Variants in DCUN1D4 observed in about 807,000 individuals in gnomAD.
The protein encoded by DCUN1D4 is defective in cullin neddylation 1 domain containing 4.
In DCUN1D4, 22 loss-of-function variants were observed where a neutral mutation model predicts 47.9. The ratio of observed to expected loss-of-function variants is 0.46; its 90% CI spans 0.33 to 0.66. The LOEUF (loss-of-function observed/expected upper bound fraction) is 0.66, where lower values mean the gene tolerates loss of function less well. Among genes scored for constraint, DCUN1D4 ranks in the 30% least tolerant of loss-of-function variants. The pLI, the probability that DCUN1D4 is intolerant of heterozygous loss-of-function variation, is 0.02. For missense variants in DCUN1D4, 301 were observed against 340.8 expected, an observed-to-expected ratio of 0.88 and a Z score of 0.92; for synonymous variants, 121 against 112.2, an observed-to-expected ratio of 1.08 and a Z score of -0.50.
chr4:51,908,387 C>T (rs1733215096), intron 8 of DCUN1D4, among the ~76,000 whole-genome samples: 1 of 152,032 alleles, frequency 6.6e-6, no homozygotes, highest in Non-Finnish European at 1.5e-5. Context: ...CTTGATGGGC[C>T]TTCTGGGGAT....
In DCUN1D4 at chr4:51,891,847, C is replaced by T; in HGVS notation, c.502C>T (p.Leu168Phe). 1 of 1,609,130 alleles carries T rather than the reference C, an allele frequency of 6.2e-7. No homozygotes were observed. The change falls in exon 7 of 11, where the codon CTC (leucine) becomes TTC (phenylalanine). Residue 168 changes from leucine (L) to phenylalanine (F), a missense_variant. By Grantham distance (22) the Leu-to-Phe change is conservative. This residue lies in a region of DCUN1D4 where 170 missense variants were observed against 234.5 expected (regional missense o/e 0.73). Coordinates refer to ENST00000334635, the MANE Select transcript of DCUN1D4 (RefSeq NM_001040402.3). ...GGAGTGGTTAAAAGGAATGACTTCT[C>T]TCCAGTAAGTCCTAGGCTGCACTAG... ...LQEWLKGMTS[L>F]QCDTTEKLRN...
At chr4:51,867,958 C>T (rs1686323771) in intron 3 of DCUN1D4, among the ~76,000 whole-genome samples, 1 of 152,252 alleles carries the variant, frequency 6.6e-6, no homozygotes, top group Admixed American at 6.5e-5. Context: ...CAGCCCCCCT[C>T]GGCTTCCCCC....
intron 8 of DCUN1D4, 30 bp downstream of exon 8, chr4:51,899,408 T>C (rs747384706): frequency 6.4e-7 from 1 of 1,569,590 alleles, no homozygotes; most frequent in Admixed American, 1.9e-5. Flanking sequence ...TCCAGATGTT[T>C]CCCTCTCTTC....
intron 6 of DCUN1D4, among the ~76,000 whole-genome samples, chr4:51,890,842 G>GT (rs1311609966): frequency 6.6e-6 from 1 of 152,236 alleles, no homozygotes; most frequent in Admixed American, 6.5e-5. Context: ...CTCACCATCA[G>GT]TTCCCTGTGC....
At chr4:51,869,938 T>C (rs1726613060) in intron 3 of DCUN1D4, among the ~76,000 whole-genome samples, 1 of 151,990 alleles carries the variant, frequency 6.6e-6, no homozygotes, top group Non-Finnish European at 1.5e-5. Context: ...TGAACTTAAA[T>C]AATAATCTTT....
intron 1 of DCUN1D4, among the ~76,000 whole-genome samples, chr4:51,860,140 T>A (rs1458206082): frequency 6.6e-6 from 1 of 152,160 alleles, no homozygotes; most frequent in Non-Finnish European, 1.5e-5. Context: ...AATTTGTGTC[T>A]TAACTTCTCC....
At chr4:51,911,513 C>T (rs570699305) in intron 9 of DCUN1D4, among the ~76,000 whole-genome samples, 10 of 152,266 alleles carry the variant, frequency 6.6e-5, no homozygotes, top group African/African-American at 1.9e-4. Context: ...TTTCTTTTGA[C>T]TTTAGATGAA....
chr4:51,878,838 T>C (rs1728096676), intron 5 of DCUN1D4, among the ~76,000 whole-genome samples: 1 of 152,252 alleles, frequency 6.6e-6, no homozygotes, highest in African/African-American at 2.4e-5. Flanking sequence ...TTTGGTTCCC[T>C]TTTATTGGTA....
chr4:51,887,272 T>C (rs991593795), intron 6 of DCUN1D4: 4 of 338,898 alleles, frequency 1.2e-5, no homozygotes, highest in African/African-American at 8.9e-5. Flanking sequence ...TGGCTAATGT[T>C]TTTTGTATTT....
rs1734014588 is a variant in DCUN1D4, at chr4:51,913,539, G to A, written c.834G>A (p.Leu278=). The A allele has an allele frequency of 6.2e-7, 1 of 1,612,630 alleles. No individual in the cohort carries two copies. Among genetic ancestry groups the A allele is most frequent in the Non-Finnish European group, 8.5e-7 (1 of 1,179,154 alleles). The change falls in exon 11 of 11, where the codon TTG becomes TTA. Residue 278 remains leucine, a synonymous_variant. Coordinates refer to ENST00000334635, the MANE Select transcript of DCUN1D4 (RefSeq NM_001040402.3). ...TCTCTTTCTCTCCAGGGCCAGTTTT[G>A]TTGGACGAGTTTGTGGAGTGGTATA... ...NYDEDGAWPV[L]LDEFVEWYKD... is the part of the protein sequence containing the mutation.
At chr4:51,836,881 G>C in the DCUN1D4 span, among the ~76,000 whole-genome samples, 1 of 152,178 alleles carries the variant, frequency 6.6e-6, no homozygotes. Context: ...GGGGTCTCCT[G>C]TACTGCCCTG....
chr4:51,883,341 T>G (rs1728982099), intron 5 of DCUN1D4, among the ~76,000 whole-genome samples: 1 of 152,244 alleles, frequency 6.6e-6, no homozygotes, highest in Non-Finnish European at 1.5e-5. Context: ...AAGTTTCTTT[T>G]TTTTTACTGT....
At chr4:51,905,318 C>G in intron 8 of DCUN1D4, 1 of 424,176 alleles carries the variant, frequency 2.4e-6, no homozygotes, top group South Asian at 1.6e-5. Flanking sequence ...CCTTGACGTC[C>G]AGGCCAGTGT....
rs550374175 is a variant in DCUN1D4, at chr4:51,874,400, C to T, written c.251+15C>T. On this transcript the variant is annotated intron_variant, in intron 4 of 10. Transcript: ENST00000334635. ...AGACATGATAGGTATGATGTAGAGACAGTAGATCAGAATCAGTGATACATA... is the reference window on the plus strand; with the variant it reads ...AGACATGATAGGTATGATGTAGAGATAGTAGATCAGAATCAGTGATACATA... 2 of 1,566,936 alleles carry T rather than the reference C, an allele frequency of 1.3e-6. No homozygotes were observed. Among genetic ancestry groups the T allele is most frequent in the African/African-American group, 1.4e-5 (1 of 73,660 alleles).
intron 1 of DCUN1D4, among the ~76,000 whole-genome samples, chr4:51,861,124 C>A (rs1724987967): frequency 6.6e-6 from 1 of 152,150 alleles, no homozygotes; most frequent in Admixed American, 6.5e-5. Context: ...CATACAACAA[C>A]ATTATGAAGG....
intron 5 of DCUN1D4, among the ~76,000 whole-genome samples, chr4:51,879,825 G>T (rs945886246): frequency 6.6e-6 from 1 of 152,086 alleles, no homozygotes; most frequent in Non-Finnish European, 1.5e-5. Flanking sequence ...TGATTTTTTG[G>T]TACCTTCCTT....
chr4:51,891,558 G>A (rs935736810), intron 6 of DCUN1D4, among the ~76,000 whole-genome samples: 2 of 152,102 alleles, frequency 1.3e-5, no homozygotes, highest in Non-Finnish European at 2.9e-5. Context: ...ACTCTTGTCA[G>A]CAGACTATAT....
intron 4 of DCUN1D4, among the ~76,000 whole-genome samples, chr4:51,876,310 C>T (rs966568532): frequency 4.0e-5 from 6 of 151,738 alleles, no homozygotes; most frequent in Admixed American, 3.3e-4. Context: ...AGCAAACTAT[C>T]GCAAGGACAA....
At chr4:51,902,182 G>A (rs1254628192) in intron 8 of DCUN1D4, among the ~76,000 whole-genome samples, 1 of 152,088 alleles carries the variant, frequency 6.6e-6, no homozygotes, top group Middle Eastern at 3.2e-3. Flanking sequence ...TTTGATTTAT[G>A]GTCCAGAATA....
Sources: gnomAD v4.1 joint callset for allele counts (sites outside exome capture counted in the v4.1 genomes callset) on GRCh38, gnomAD v4.1.1 for gene constraint, gnomAD v4.1.1 regional missense constraint, MANE v1.5 for transcripts, NCBI Gene and HGNC (gene_info 2026-07-23, HGNC 2026-07-21) for gene names.